Variants in MCOLN2 observed in about 807,000 individuals in gnomAD.
The protein encoded by MCOLN2 is mucolipin TRP cation channel 2, also known as mucolipin-2.
MCOLN2 carries 57 observed loss-of-function variants against 67.5 expected under a neutral mutation model. The ratio of observed to expected loss-of-function variants is 0.84; its 90% CI spans 0.68 to 1.05. MCOLN2 has a LOEUF of 1.05. MCOLN2 is among the 50% of genes least tolerant of loss of function. The pLI is 0.00. For missense variants in MCOLN2, 620 were observed against 678.8 expected, an observed-to-expected ratio of 0.91 and a Z score of 0.96; for synonymous variants, 246 against 233.3, an observed-to-expected ratio of 1.05 and a Z score of -0.50.
chr1:84,931,433 T>A lies in MCOLN2; in HGVS notation c.1471A>T (p.Ile491Phe). ...LFSRLYLYSFISLFIYMILSL... is the reference protein window; with the variant it reads ...LFSRLYLYSFFSLFIYMILSL... Reference sequence around the variant, plus strand: ...AGAATCATATATATAAAAAGGCTGATGAAGGAATATAAATACAGACGACTG... The same window carrying A: ...AGAATCATATATATAAAAAGGCTGAAGAAGGAATATAAATACAGACGACTG... The change falls in exon 12 of 14, where the codon ATC becomes TTC. Residue 491 changes from isoleucine to phenylalanine, a missense_variant. Physicochemically the swap from Ile to Phe is conservative, Grantham distance 21. Transcript: ENST00000370608. 1.2e-6 allele frequency: 2 copies of A among 1,607,152 alleles called. No individual in the cohort carries two copies. The highest frequency in any genetic ancestry group is 1.7e-6 in the Non-Finnish European group (2 of 1,173,722).
At chr1:84,965,453 G>A in intron 2 of MCOLN2, 96 bp downstream of exon 2, 1 of 1,328,748 alleles carries the variant, frequency 7.5e-7, no homozygotes, top group Admixed American at 2.3e-5. Flanking sequence ...GAACTTGAGT[G>A]TGGGCTTTTC....
chr1:84,965,973 C>T (rs1349432202), intron 1 of MCOLN2, among the ~76,000 whole-genome samples: 1 of 152,174 alleles, frequency 6.6e-6, no homozygotes, highest in Non-Finnish European at 1.5e-5. Flanking sequence ...CCAATCTCGG[C>T]CAGACGTGGT....
At chr1:84,982,743 C>T (rs1202898350) in intron 1 of MCOLN2, among the ~76,000 whole-genome samples, 1 of 152,118 alleles carries the variant, frequency 6.6e-6, no homozygotes, top group African/African-American at 2.4e-5. Flanking sequence ...ACAGAAAATA[C>T]AGAAAATGGA....
chr1:84,937,425 T>C (rs1350028135), intron 11 of MCOLN2: 71 of 229,686 alleles, frequency 3.1e-4, no homozygotes, highest in Non-Finnish European at 4.7e-5. Context: ...ATAATAATTT[T>C]CCTCACTTAA....
At chr1:84,951,830 T>G (rs1272656537) in intron 6 of MCOLN2, among the ~76,000 whole-genome samples, 5 of 152,210 alleles carry the variant, frequency 3.3e-5, no homozygotes. Context: ...CCCAGCATTT[T>G]GGGAGGCCGA....
intron 1 of MCOLN2, among the ~76,000 whole-genome samples, chr1:84,974,022 G>A (rs892567270): frequency 6.6e-6 from 1 of 152,156 alleles, no homozygotes; most frequent in South Asian, 2.1e-4. Context: ...GGCAGTAAAC[G>A]GTTCTGCCCG....
At chr1:84,943,403 C>T (rs969132741) in intron 7 of MCOLN2, among the ~76,000 whole-genome samples, 5 of 152,002 alleles carry the variant, frequency 3.3e-5, no homozygotes, top group African/African-American at 7.2e-5. Context: ...GGAAGGACAG[C>T]GTCGGGGATG....
intron 2 of MCOLN2, among the ~76,000 whole-genome samples, chr1:84,963,210 T>C (rs1364506960): frequency 1.3e-5 from 2 of 152,176 alleles, no homozygotes; most frequent in Non-Finnish European, 2.9e-5. Context: ...CTCACAGGAT[T>C]GCAATGAGGA....
chr1:84,987,119 C>G (rs1650545051), intron 1 of MCOLN2, among the ~76,000 whole-genome samples: 1 of 151,650 alleles, frequency 6.6e-6, no homozygotes, highest in South Asian at 2.1e-4. Context: ...AAATATAAAA[C>G]CAGCCCAGAT....
At chr1:84,995,805 T>TA (rs35541746) in intron 1 of MCOLN2, among the ~76,000 whole-genome samples, 1,411 of 126,122 alleles carry the variant, frequency 0.011, 25 homozygotes, top group African/African-American at 0.044. Context: ...CTCTATTTTT[T>TA]TAAAAAAAAA....
chr1:84,965,750 C>T (rs749088115), intron 1 of MCOLN2, 42 bp from the exon 2 acceptor site: 1 of 1,586,442 alleles, frequency 6.3e-7, no homozygotes, highest in African/African-American at 1.4e-5. Flanking sequence ...GAAAGCCTCT[C>T]CCTCAGTTCC....
intron 9 of MCOLN2, among the ~76,000 whole-genome samples, 188 bp downstream of exon 9, chr1:84,939,365 C>A (rs1309345930): frequency 6.6e-6 from 1 of 152,144 alleles, no homozygotes; most frequent in Non-Finnish European, 1.5e-5. Context: ...TGCCAAGTTT[C>A]GTTCCATGGA....
At chr1:84,992,151 C>T (rs1345045093) in intron 1 of MCOLN2, among the ~76,000 whole-genome samples, 1 of 152,188 alleles carries the variant, frequency 6.6e-6, no homozygotes, top group Non-Finnish European at 1.5e-5. Flanking sequence ...ATAAGTAGTA[C>T]AATTTTTTAA....
chr1:84,986,830 G>T (rs1412253863), intron 1 of MCOLN2, among the ~76,000 whole-genome samples: 1 of 152,070 alleles, frequency 6.6e-6, no homozygotes, highest in Non-Finnish European at 1.5e-5. Flanking sequence ...ACCACAATGT[G>T]ATACCACCTC....
intron 1 of MCOLN2, among the ~76,000 whole-genome samples, chr1:84,984,690 C>G (rs1309668753): frequency 6.6e-6 from 1 of 152,102 alleles, no homozygotes; most frequent in Admixed American, 6.6e-5. Context: ...TATATTAATA[C>G]CAAAGGATAA....
At chr1:84,961,333 T>C (rs1343227791) in intron 2 of MCOLN2, among the ~76,000 whole-genome samples, 2 of 150,620 alleles carry the variant, frequency 1.3e-5, no homozygotes, top group African/African-American at 4.9e-5. Context: ...GCTAAAGAAA[T>C]AAAAAAAAAT....
chr1:84,932,622 A>G (rs950287520), intron 11 of MCOLN2, among the ~76,000 whole-genome samples: 10 of 152,196 alleles, frequency 6.6e-5, no homozygotes, highest in African/African-American at 2.4e-4. Context: ...TATTTCTGTC[A>G]GTGATTCCAA....
intron 1 of MCOLN2, among the ~76,000 whole-genome samples, chr1:84,981,075 A>G (rs186401813): frequency 6.0e-4 from 91 of 152,090 alleles, no homozygotes; most frequent in African/African-American, 2.1e-3. Context: ...ACTGATCACT[A>G]GAGAAACGCA....
intron 4 of MCOLN2, among the ~76,000 whole-genome samples, chr1:84,956,100 T>A (rs1648767238): frequency 6.6e-6 from 1 of 152,200 alleles, no homozygotes; most frequent in South Asian, 2.1e-4. Context: ...GTATATTATT[T>A]CATTTAACAC....
Sources: allele counts gnomAD v4.1 joint callset (sites outside exome capture counted in the v4.1 genomes callset), GRCh38; gene constraint gnomAD v4.1.1; transcripts MANE v1.5; gene names NCBI Gene and HGNC (gene_info 2026-07-23, HGNC 2026-07-21).